Variants in TMEM181 observed in about 807,000 individuals in gnomAD.
The protein encoded by TMEM181 is G protein-coupled receptor 178.
In TMEM181, 39 loss-of-function variants were observed where a neutral mutation model predicts 71.9. The observed-to-expected ratio is 0.54, with a 90% CI of 0.42 to 0.71. The LOEUF (loss-of-function observed/expected upper bound fraction) is 0.71. Among genes scored for constraint, TMEM181 ranks in the 30% least tolerant of loss-of-function variants. The probability of loss-of-function intolerance (pLI) is 0.00; values close to 1 mark genes in which losing one functional copy is unlikely to be tolerated. For synonymous variants in TMEM181, 245 were observed against 228.8 expected, an observed-to-expected ratio of 1.07 and a Z score of -0.64; for missense variants, 595 against 583.0, an observed-to-expected ratio of 1.02 and a Z score of -0.21.
chr6:158,618,947 T>C (rs1000937457), intron 10 of TMEM181, among the ~76,000 whole-genome samples: 6 of 152,212 alleles, frequency 3.9e-5, no homozygotes, highest in African/African-American at 1.2e-4. Context: ...TCAACCTTGG[T>C]GAATCTGACA....
At chr6:158,541,528 G>A (rs1226669436) in intron 1 of TMEM181, among the ~76,000 whole-genome samples, 2 of 152,236 alleles carry the variant, frequency 1.3e-5, no homozygotes, top group East Asian at 1.9e-4. Context: ...ATGGGTGGCA[G>A]TATTGGCAGC....
chr6:158,550,757 C>G (rs13213034), intron 1 of TMEM181, among the ~76,000 whole-genome samples: 16 of 152,010 alleles, frequency 1.1e-4, no homozygotes, highest in Admixed American at 3.9e-4. Context: ...TTGGAGAAAT[C>G]TAGAAGAATT....
At chr6:158,607,008 T>G (rs1478707789) in intron 7 of TMEM181, among the ~76,000 whole-genome samples, 1 of 152,244 alleles carries the variant, frequency 6.6e-6, no homozygotes, top group Admixed American at 6.5e-5. Flanking sequence ...TGAGGACAGC[T>G]CGGAACCTGT....
intron 10 of TMEM181, among the ~76,000 whole-genome samples, chr6:158,618,522 T>A (rs1265922043): frequency 6.6e-6 from 1 of 152,244 alleles, no homozygotes; most frequent in East Asian, 1.9e-4. Context: ...TGTGTGAATT[T>A]GATCCTGCCA....
At chr6:158,592,045 C>G (rs1428033686) in intron 6 of TMEM181, among the ~76,000 whole-genome samples, 3 of 152,146 alleles carry the variant, frequency 2.0e-5, no homozygotes, top group African/African-American at 7.2e-5. Context: ...ACAGCCAGAG[C>G]CTCATTTCTG....
chr6:158,557,386 T>C (rs940754843), upstream of TMEM181, among the ~76,000 whole-genome samples: 4 of 152,094 alleles, frequency 2.6e-5, no homozygotes, highest in African/African-American at 9.7e-5. Flanking sequence ...AAACAGGTCA[T>C]GTGAGAAATG....
chr6:158,556,544 G>A (rs1462358563), upstream of TMEM181, among the ~76,000 whole-genome samples: 1 of 152,180 alleles, frequency 6.6e-6, no homozygotes, highest in African/African-American at 2.4e-5. Flanking sequence ...TAATTGTTTT[G>A]AGTTAATTAT....
At chr6:158,610,912 C>T in intron 10 of TMEM181, 1 of 408,048 alleles carries the variant, frequency 2.5e-6, no homozygotes, top group South Asian at 2.2e-5. Context: ...TCTGGAATGG[C>T]TGAGGGTTTC....
chr6:158,544,180 A>AGT (rs1163683618), intron 1 of TMEM181, among the ~76,000 whole-genome samples: 145 of 69,060 alleles, frequency 2.1e-3, no homozygotes, highest in East Asian at 8.6e-3. Flanking sequence ...CAAATTGGAG[A>AGT]GAGTGTGTGT....
intron 10 of TMEM181, chr6:158,610,154 T>C (rs1785212589): frequency 4.5e-6 from 1 of 223,874 alleles, no homozygotes. Context: ...TTAAATACCT[T>C]GTGATGTTCT....
chr6:158,536,860 C>G lies in TMEM181; in HGVS notation c.126C>G (p.Tyr42Ter). 7 of 1,397,444 alleles carry G rather than the reference C, an allele frequency of 5.0e-6. No individual in the cohort carries two copies. Among genetic ancestry groups the G allele is most frequent in the Non-Finnish European group, 6.6e-6 (7 of 1,068,534 alleles). The allele number at this position is 1,397,444 out of a possible 1,614,324, so 86.6% of individuals were successfully genotyped here. ...TCACGCCCTTCAAGGATGACCGCTA[C>G]TACAGGTGGGCGCGGCGCGGGCAGC... The change falls in exon 1 of 17, where the codon TAC becomes TAG. Residue 42 changes from tyrosine to a stop codon, truncating the protein, a stop_gained. Coordinates refer to the TMEM181 transcript ENST00000367090. LOFTEE classifies it high-confidence loss of function.
chr6:158,585,838 GTT>G (rs1783738143), intron 5 of TMEM181, among the ~76,000 whole-genome samples: 2 of 152,086 alleles, frequency 1.3e-5, no homozygotes, highest in South Asian at 2.1e-4. Flanking sequence ...GTTTTATTTT[GTT>G]TAGAGACAGG....
At chr6:158,555,775 A>G (rs1781861472), upstream of TMEM181, among the ~76,000 whole-genome samples, 1 of 152,218 alleles carries the variant, frequency 6.6e-6, no homozygotes, top group Non-Finnish European at 1.5e-5. Context: ...AGGAAACCCT[A>G]TAAATTCTGT....
At chr6:158,617,924 T>C (rs1304643527) in intron 10 of TMEM181, among the ~76,000 whole-genome samples, 5 of 152,222 alleles carry the variant, frequency 3.3e-5, no homozygotes, top group Non-Finnish European at 2.9e-5. Flanking sequence ...GGAATAAGTA[T>C]GATGTGGTGC....
chr6:158,584,325 G>A (rs1168072546), intron 4 of TMEM181, among the ~76,000 whole-genome samples: 1 of 152,206 alleles, frequency 6.6e-6, no homozygotes, highest in Non-Finnish European at 1.5e-5. Context: ...GTGAGGATCT[G>A]GGAGAGAATT....
intron 6 of TMEM181, among the ~76,000 whole-genome samples, chr6:158,590,444 GT>G (rs539262297): frequency 3.3e-5 from 5 of 151,116 alleles, no homozygotes; most frequent in African/African-American, 9.7e-5. Context: ...ACGTTCAGTG[GT>G]TTTTTTTTGT....
Position 158,620,492 on chromosome 6 carries a change from AAG to A in TMEM181, c.897-3051_897-3050del, listed in dbSNP as rs1421775954. On this transcript the variant is annotated intron_variant, in intron 10 of 16. Transcript: ENST00000684151. The surrounding 1 kb of genome is among the most constrained non-coding windows in gnomAD (Gnocchi z 4.5). ...GCTTCCCGAACCGGCATGCGTGAGG[AAG>A]AGAGAGGGAGAGGGAGAGAGAAAGA... is the stretch of plus-strand genomic sequence containing the variant. Among the ~76,000 whole-genome samples the A allele has an allele frequency of 6.6e-6, 1 of 152,068 alleles. No individual in the cohort carries two copies. Among genetic ancestry groups the A allele is most frequent in the Admixed American group, 6.5e-5 (1 of 15,270 alleles).
At chr6:158,600,339 A>G (rs1445031344) in intron 6 of TMEM181, among the ~76,000 whole-genome samples, 2 of 151,938 alleles carry the variant, frequency 1.3e-5, no homozygotes, top group Non-Finnish European at 2.9e-5. Flanking sequence ...TAGTAGAGAC[A>G]GGGTTTCTCC....
intron 10 of TMEM181, among the ~76,000 whole-genome samples, chr6:158,617,204 C>T (rs1286351085): frequency 6.6e-6 from 1 of 152,050 alleles, no homozygotes; most frequent in African/African-American, 2.4e-5. Context: ...TTCCTGGTTT[C>T]GTCTTGGGAG....
Sources: allele counts gnomAD v4.1 joint callset (sites outside exome capture counted in the v4.1 genomes callset), GRCh38; gene constraint gnomAD v4.1.1; non-coding constraint Gnocchi (gnomAD v3.1); transcripts MANE v1.5; gene names NCBI Gene and HGNC (gene_info 2026-07-23, HGNC 2026-07-21).